CCT6B: variants seen among roughly 807,000 people sequenced by gnomAD.
The protein encoded by CCT6B is chaperonin containing TCP1 subunit 6B.
A neutral mutation model predicts 61.5 loss-of-function variants in CCT6B; 49 were observed. That is an observed-to-expected ratio of 0.80 (90% CI 0.63 to 1.01). The LOEUF (loss-of-function observed/expected upper bound fraction) is 1.01, where lower values mean the gene tolerates loss of function less well. Among genes scored for constraint, CCT6B ranks in the 50% least tolerant of loss-of-function variants. The pLI is 0.00. For synonymous variants in CCT6B, 228 were observed against 214.5 expected (o/e 1.06, Z -0.55); for missense variants, 666 against 634.7 (o/e 1.05, Z -0.53).
At chr17:34,934,622 C>A (rs764426502) in intron 10 of CCT6B, among the ~76,000 whole-genome samples, 1 of 152,096 alleles carries the variant, frequency 6.6e-6, no homozygotes, top group Non-Finnish European at 1.5e-5. Flanking sequence ...AAAAACAAAA[C>A]CTTTATAGCC....
rs376734116 is a variant in CCT6B at position 34,939,584 on chromosome 17, C to T, written c.1065+33G>A. 1.3e-4 allele frequency: 166 copies of T among 1,325,612 alleles called. No individual in the cohort carries two copies. The South Asian group carries it at 2.0e-3, about 16-fold the overall frequency. The allele number at this position is 1,325,612 out of a possible 1,614,324, so 82.1% of individuals were successfully genotyped here. A position where few individuals can be genotyped will look rare whatever the true frequency, so the allele number is the denominator to read the frequency against. ...TCTTTAAAAAAGGGGGCTTAGTATT[C>T]ACTTTATAACCACTGTTCATAGAAA... is the stretch of plus-strand genomic sequence containing the variant. On this transcript the variant is annotated intron_variant, in intron 9 of 13. Transcript: ENST00000314144.
intron 5 of CCT6B, 136 bp from the exon 6 acceptor site, chr17:34,943,042 G>C: frequency 1.6e-6 from 1 of 607,372 alleles, no homozygotes; most frequent in South Asian, 2.7e-5. Context: ...AACAGTTTTT[G>C]GTGTTTTTGT....
Position 34,940,623 on chromosome 17 carries a change from T to G in CCT6B, c.886-2A>C. On this transcript the variant is annotated splice_acceptor_variant, in intron 7 of 13. Transcript: ENST00000314144. LOFTEE classifies it high-confidence loss of function. ...ATCTAAGGAAAATGGATCAATTCCC[T>G]ATAATCAAATTAACATAAAAATTAT... 6.9e-7 allele frequency: 1 copy of G among 1,439,888 alleles called. No homozygotes were observed. The highest frequency in any genetic ancestry group is 9.6e-7 in the Non-Finnish European group (1 of 1,041,298). 89.2% of individuals were successfully genotyped at this position (1,439,888 alleles called of 1,614,324 possible).
chr17:34,937,362 T>C (rs1383925498), intron 10 of CCT6B, among the ~76,000 whole-genome samples: 1 of 152,072 alleles, frequency 6.6e-6, no homozygotes, highest in East Asian at 1.9e-4. Context: ...ATATTAACAT[T>C]AAAATAGACA....
Position 34,961,238 on chromosome 17 carries a change from G to A in CCT6B, c.137+19C>T. The A allele has an allele frequency of 6.3e-7, 1 of 1,585,384 alleles. No homozygotes were observed. On this transcript the variant is annotated intron_variant, in intron 1 of 13. Coordinates refer to ENST00000314144, the MANE Select transcript of CCT6B (RefSeq NM_006584.4). ...ACGGGCCCCTAGCCGCGTAATGGCC[G>A]CTCCAACCGCTGTCTCACATTTTCA...
chr17:34,947,723 T>G (rs2090240245), intron 5 of CCT6B, among the ~76,000 whole-genome samples: 1 of 152,168 alleles, frequency 6.6e-6, no homozygotes, highest in Admixed American at 6.5e-5. Context: ...GGCTCACACC[T>G]GTAATCCCAG....
chr17:34,949,559 T>C (rs2090268694), intron 5 of CCT6B: 2 of 151,476 alleles, frequency 1.3e-5, no homozygotes, highest in Non-Finnish European at 2.9e-5. Flanking sequence ...GGAAGGAAGC[T>C]AGCTAGCTGG....
rs796140518 is a variant in CCT6B at position 34,948,713 on chromosome 17, T to TCA, written c.614+3236_614+3237insTG. Among the ~76,000 whole-genome samples, 29 of 75,278 alleles carry TCA rather than the reference T, an allele frequency of 3.9e-4. 1 individual carries two copies. The highest frequency in any genetic ancestry group is 1.7e-3 in the East Asian group (3 of 1,818). 49.4% of individuals were successfully genotyped at this position (75,278 alleles called of 152,430 possible). On this transcript the variant is annotated intron_variant, in intron 5 of 13. Coordinates refer to ENST00000314144, the MANE Select transcript of CCT6B (RefSeq NM_006584.4). The stretch of plus-strand genomic sequence containing the variant: ...TGGGTAACAAGAGTGAAACTCCATC[T>TCA]AAAAAAAAAAAAAAAAACAAAACAA...
At position 34,950,058 on chromosome 17, in the gene CCT6B, TTC is replaced by T. The variant is rs1388558862; in HGVS notation, c.614+1890_614+1891del. The stretch of plus-strand genomic sequence containing the variant: ...AGGAGCAAAAATCTCATAGAGCATA[TTC>T]TCTGACCACAATGTAATTAAGCTAG... On this transcript the variant is annotated intron_variant, in intron 5 of 13. Transcript: ENST00000314144. Among the ~76,000 whole-genome samples, 4 of 152,336 alleles carry T rather than the reference TTC, an allele frequency of 2.6e-5. No homozygotes were observed. The East Asian group carries it at 7.7e-4, about 29-fold the overall frequency.
chr17:34,943,422 C>T (rs2090188543), intron 5 of CCT6B: 1 of 152,022 alleles, frequency 6.6e-6, no homozygotes, highest in Admixed American at 6.5e-5. Context: ...CCTAAATGTC[C>T]AACAATAGGG....
At chr17:34,928,549 G>A (rs561722700) in intron 13 of CCT6B, among the ~76,000 whole-genome samples, 18 of 152,166 alleles carry the variant, frequency 1.2e-4, no homozygotes, top group African/African-American at 3.9e-4. Context: ...CTGGGATTAC[G>A]GGTGTGAGCC....
intron 7 of CCT6B, among the ~76,000 whole-genome samples, chr17:34,941,361 T>C (rs2090161759): frequency 1.3e-5 from 2 of 152,224 alleles, no homozygotes; most frequent in Non-Finnish European, 2.9e-5. Flanking sequence ...TGTTGTGTTA[T>C]ACATGTAGAA....
intron 13 of CCT6B, 81 bp from the exon 14 acceptor site, chr17:34,928,198 G>A: frequency 1.3e-6 from 1 of 792,738 alleles, no homozygotes; most frequent in South Asian, 1.7e-5. Context: ...ACCTATGTAG[G>A]GTACTTTGTT....
chr17:34,953,535 G>C (rs2090316040), intron 4 of CCT6B, among the ~76,000 whole-genome samples: 1 of 151,814 alleles, frequency 6.6e-6, no homozygotes. Flanking sequence ...TCACCATGTT[G>C]GCCAGGCTGG....
rs1597761513 is a variant in CCT6B at position 34,955,442 on chromosome 17, TA to T, written c.337-844del. Among the ~76,000 whole-genome samples, 3 of 152,252 alleles carry T rather than the reference TA, an allele frequency of 2.0e-5. No individual in the cohort carries two copies. In the South Asian group the frequency reaches 6.2e-4, roughly 32 times the overall value. On this transcript the variant is annotated intron_variant, in intron 3 of 13. Coordinates refer to ENST00000314144, the MANE Select transcript of CCT6B (RefSeq NM_006584.4). ...AAATATTTAGATCATGTCTGCAACA[TA>T]CAGTTTAGAAAAGAATAAGTACACT...
intron 1 of CCT6B, among the ~76,000 whole-genome samples, chr17:34,960,350 A>T (rs1405385365): frequency 6.6e-6 from 1 of 152,016 alleles, no homozygotes; most frequent in Non-Finnish European, 1.5e-5. Context: ...TTAATATACC[A>T]TGTTTTGTTT....
chr17:34,934,811 A>G (rs2090076238), intron 10 of CCT6B, among the ~76,000 whole-genome samples: 1 of 152,218 alleles, frequency 6.6e-6, no homozygotes, highest in South Asian at 2.1e-4. Context: ...AAACTTTCCA[A>G]TTCACTCTAT....
At position 34,931,036 on chromosome 17, in the gene CCT6B, C is replaced by T. The variant is rs1038676502; in HGVS notation, c.1363G>A (p.Ala455Thr). The change falls in exon 12 of 14, where the codon GCT becomes ACT. Residue 455 changes from alanine to threonine, a missense_variant. Physicochemically the swap from Ala to Thr is moderately conservative, Grantham distance 58 (BLOSUM62 0). Coordinates refer to ENST00000314144, the MANE Select transcript of CCT6B (RefSeq NM_006584.4). Reference sequence around the variant, plus strand: ...AATGTTTCCTGTGGGTCATAACCAGCATTCTGAGCAAGAACCTTTAGGAAT... The same window carrying T: ...AATGTTTCCTGTGGGTCATAACCAGTATTCTGAGCAAGAACCTTTAGGAAT... ...LIIPKVLAQNAGYDPQETLVK... is the reference protein window; with the variant it reads ...LIIPKVLAQNTGYDPQETLVK... The T allele has an allele frequency of 8.3e-6, 13 of 1,558,624 alleles. No individual in the cohort carries two copies. The highest frequency in any genetic ancestry group is 1.1e-5 in the Non-Finnish European group (13 of 1,141,742).
chr17:34,943,374 A>G (rs2090187850), intron 5 of CCT6B: 1 of 152,366 alleles, frequency 6.6e-6, no homozygotes, highest in Non-Finnish European at 1.5e-5. Flanking sequence ...AGGAACATTT[A>G]TTCAAAATGA....
Sources: gnomAD v4.1 joint callset for allele counts (sites outside exome capture counted in the v4.1 genomes callset) on GRCh38, gnomAD v4.1.1 for gene constraint, MANE v1.5 for transcripts, NCBI Gene and HGNC (gene_info 2026-07-23, HGNC 2026-07-21) for gene names.